The following MBP variants were observed in gnomAD, a reference collection of about 807,000 sequenced individuals.
The protein encoded by MBP is myelin basic protein.
A neutral mutation model predicts 35.8 loss-of-function variants in MBP; 16 were observed. The observed-to-expected ratio is 0.45, with a 90% CI of 0.30 to 0.68. The LOEUF is 0.68. Ranked by LOEUF, MBP falls within the 30% of genes least tolerant of loss-of-function variation. The pLI is 0.08. For missense variants in MBP, 380 were observed against 404.7 expected (o/e 0.94, Z 0.52); for synonymous variants, 143 against 159.6 (o/e 0.90, Z 0.78).
chr18:77,005,466 C>G (rs754965492), intron 4 of MBP: 1 of 152,214 alleles, frequency 6.6e-6, no homozygotes, highest in Non-Finnish European at 1.5e-5. Context: ...ATTCCTCTTC[C>G]TCATGGCAAG....
rs796544498 is a variant in MBP, at chr18:76,984,853, T to A, written c.792A>T (p.Arg264Ser). The stretch of plus-strand genomic sequence containing the variant: ...TGTGAGCCGATTTATAGTCGGACGC[T>A]CTGCCTCCGTAGCCAAATCCTGGTC... ...GQRPGFGYGG[R>S]ASDYKSAHKG... The change falls in exon 8 of 9, where the codon AGA (arginine) becomes AGT (serine). Residue 264 changes from arginine (R) to serine (S), a missense_variant. By Grantham distance (110) the Arg-to-Ser change is moderately radical. Transcript: ENST00000355994. 6.2e-7 allele frequency: 1 copy of A among 1,613,802 alleles called. No individual in the cohort carries two copies. The highest frequency in any genetic ancestry group is 1.1e-5 in the South Asian group (1 of 91,072).
chr18:77,030,528 A>G (rs1458230204), intron 3 of MBP, among the ~76,000 whole-genome samples: 1 of 152,228 alleles, frequency 6.6e-6, no homozygotes, highest in Non-Finnish European at 1.5e-5. Context: ...GTGATTTGCA[A>G]TCTGGTTTTC....
chr18:77,086,038 G>A (rs549800260), intron 2 of MBP, among the ~76,000 whole-genome samples: 22 of 152,300 alleles, frequency 1.4e-4, no homozygotes, highest in African/African-American at 5.1e-4. Flanking sequence ...GAGAGAGAGA[G>A]AGACTGATTC....
intron 2 of MBP, among the ~76,000 whole-genome samples, chr18:77,094,658 A>G (rs1975683901): frequency 1.3e-5 from 2 of 152,196 alleles, no homozygotes; most frequent in Non-Finnish European, 2.9e-5. Context: ...TGAACTCAAA[A>G]TTAACTTTTG....
intron 2 of MBP, 131 bp downstream of exon 2, chr18:77,105,080 C>T (rs955982479): frequency 1.7e-5 from 9 of 530,536 alleles, no homozygotes; most frequent in Non-Finnish European, 3.1e-5. Flanking sequence ...TAACAAGGAC[C>T]AGGCTTCCAC....
Position 77,117,235 on chromosome 18 carries a change from T to A in MBP, c.-25-11949A>T, listed in dbSNP as rs535272049. On this transcript the variant is annotated intron_variant, in intron 1 of 8. Transcript: ENST00000355994. Reference sequence around the variant, plus strand: ...CATTAAGTGAAGTATCTTTTAAAACTCTGTTATTAAAAATGGCATTTAAAT... The same window carrying A: ...CATTAAGTGAAGTATCTTTTAAAACACTGTTATTAAAAATGGCATTTAAAT... Among the ~76,000 whole-genome samples, 125 of 152,308 alleles carry A rather than the reference T, an allele frequency of 8.2e-4. 1 individual carries two copies. Among genetic ancestry groups the A allele is most frequent in the African/African-American group, 2.1e-3 (89 of 41,554 alleles).
intron 3 of MBP, among the ~76,000 whole-genome samples, chr18:77,045,676 G>A (rs1973222596): frequency 6.6e-6 from 1 of 152,238 alleles, no homozygotes. Context: ...ACACTGTTCT[G>A]TAATTTCCAT....
Position 76,987,443 on chromosome 18 carries a change from A to G in MBP, c.750+1052T>C, listed in dbSNP as rs941660408. 4 of 985,310 alleles carry G rather than the reference A, an allele frequency of 4.1e-6. No homozygotes were observed. In the African/African-American group the frequency reaches 5.2e-5, roughly 13 times the overall value. The allele number at this position is 985,310 out of a possible 1,614,324, so 61.0% of individuals were successfully genotyped here. A position where few individuals can be genotyped will look rare whatever the true frequency, so the allele number is the denominator to read the frequency against. On this transcript the variant is annotated intron_variant, in intron 7 of 8. Coordinates refer to ENST00000355994, the MANE Select transcript of MBP (RefSeq NM_001025101.2). The stretch of plus-strand genomic sequence containing the variant: ...ATATCTTAGTTCATAATTCAGTGTA[A>G]TCATGTGTGGGACTGATCTGGGATC...
chr18:77,036,418 G>T, intron 3 of MBP, among the ~76,000 whole-genome samples: 1 of 139,568 alleles, frequency 7.2e-6, no homozygotes, highest in African/African-American at 2.9e-5. Context: ...ACTGAGCTGA[G>T]CAAGTGCTGG....
At chr18:77,027,198 A>G (rs1389554982) in intron 3 of MBP, among the ~76,000 whole-genome samples, 1 of 152,254 alleles carries the variant, frequency 6.6e-6, no homozygotes, top group Middle Eastern at 3.2e-3. Flanking sequence ...GACATTAAAA[A>G]AAAAGCAGAC....
At chr18:77,098,320 TTAAG>T (rs1975852832) in intron 2 of MBP, among the ~76,000 whole-genome samples, 1 of 152,122 alleles carries the variant, frequency 6.6e-6, no homozygotes, top group South Asian at 2.1e-4. Flanking sequence ...TGTTACCATC[TTAAG>T]TAAGCACAGA....
At chr18:77,123,542 T>A (rs879827898) in intron 1 of MBP, among the ~76,000 whole-genome samples, 3 of 152,234 alleles carry the variant, frequency 2.0e-5, no homozygotes, top group Admixed American at 1.3e-4. Flanking sequence ...TTCCTTCACT[T>A]ACAGCAGCAA....
chr18:77,017,345 C>A, intron 3 of MBP, 77 bp from the exon 4 acceptor site: 1 of 1,351,210 alleles, frequency 7.4e-7, no homozygotes, highest in South Asian at 1.8e-5. Context: ...TCTGAGGGGT[C>A]TTGACCTAGC....
At chr18:77,094,057 A>T (rs1341113256) in intron 2 of MBP, among the ~76,000 whole-genome samples, 1 of 151,090 alleles carries the variant, frequency 6.6e-6, no homozygotes, top group Non-Finnish European at 1.5e-5. Context: ...GCTCACTGCA[A>T]CCTCCACCTC....
At chr18:77,013,732 TA>T in intron 4 of MBP, 1 of 985,432 alleles carries the variant, frequency 1.0e-6, no homozygotes, top group Non-Finnish European at 1.2e-6. Flanking sequence ...AAAACCTCCC[TA>T]AAAGTACACG....
At chr18:77,005,224 A>G (rs2123340359) in intron 4 of MBP, 1 of 152,308 alleles carries the variant, frequency 6.6e-6, no homozygotes, top group Non-Finnish European at 1.5e-5. Flanking sequence ...AGGTGGACAA[A>G]CGGCACCTGT....
At position 76,989,837 on chromosome 18, in the gene MBP, C is replaced by T; in HGVS notation, c.681+119G>A. ...GGGGGAGTTCCCCGGCCGGCCTCAC[C>T]CTGATGATGACCCCGGTGCCACCCC... On this transcript the variant is annotated intron_variant, in intron 5 of 8. Coordinates refer to ENST00000355994, the MANE Select transcript of MBP (RefSeq NM_001025101.2). The surrounding 1 kb of genome is among the most constrained non-coding windows in gnomAD (Gnocchi z 4.0). 1 of 838,618 alleles carries T rather than the reference C, an allele frequency of 1.2e-6. No homozygotes were observed. The allele number at this position is 838,618 out of a possible 1,614,324, so 51.9% of individuals were successfully genotyped here. A position where few individuals can be genotyped will look rare whatever the true frequency, so the allele number is the denominator to read the frequency against.
intron 4 of MBP, among the ~76,000 whole-genome samples, chr18:77,008,049 A>G (rs1971100907): frequency 6.6e-6 from 1 of 152,014 alleles, no homozygotes. Flanking sequence ...CAGAGGCTCC[A>G]TCTCTCTGTG....
chr18:77,016,552 G>T, intron 4 of MBP: 1 of 1,292,834 alleles, frequency 7.7e-7, no homozygotes, highest in East Asian at 3.1e-5. Context: ...CCATGTCCAG[G>T]CACCCTTAGA....
Sources: gnomAD v4.1 joint callset for allele counts (sites outside exome capture counted in the v4.1 genomes callset) on GRCh38, gnomAD v4.1.1 for gene constraint, Gnocchi (gnomAD v3.1) non-coding constraint, MANE v1.5 for transcripts, NCBI Gene and HGNC (gene_info 2026-07-23, HGNC 2026-07-21) for gene names.